The following DNAH11 variants were observed in gnomAD, a reference collection of about 807,000 sequenced individuals.
The protein encoded by DNAH11 is axonemal beta dynein heavy chain 11.
Under a neutral mutation model 526.0 loss-of-function variants are expected in DNAH11, and 442 were observed. The observed-to-expected ratio is 0.84, with a 90% confidence interval of 0.78 to 0.91. The LOEUF is 0.91. Among genes scored for constraint, DNAH11 ranks in the 40% least tolerant of loss-of-function variants. DNAH11 has a pLI of 0.00. For synonymous variants in DNAH11, 2,461 were observed against 1,935.9 expected (o/e 1.27, Z -7.12); for missense variants, 6,989 against 5,448.7 (o/e 1.28, Z -8.90).
intron 28 of DNAH11, among the ~76,000 whole-genome samples, chr7:21,643,001 C>A (rs569565318): frequency 6.6e-6 from 1 of 151,962 alleles, no homozygotes. Flanking sequence ...CCAAGGTTAT[C>A]GATTAACTAA....
chr7:21,661,851 C>T (rs1220630318), intron 30 of DNAH11, among the ~76,000 whole-genome samples: 2 of 152,000 alleles, frequency 1.3e-5, no homozygotes, highest in East Asian at 3.9e-4. Flanking sequence ...TGGAGTTTCG[C>T]TCCTGTCATC....
chr7:21,572,653 A>AG (rs1783939445), intron 8 of DNAH11, among the ~76,000 whole-genome samples: 1 of 152,174 alleles, frequency 6.6e-6, no homozygotes, highest in African/African-American at 2.4e-5. Context: ...ATGTAATGTG[A>AG]GTTTATTCAC....
chr7:21,565,084 T>C (rs564721949), intron 6 of DNAH11, among the ~76,000 whole-genome samples: 2 of 152,326 alleles, frequency 1.3e-5, no homozygotes, highest in African/African-American at 4.8e-5. Flanking sequence ...CTTCTCAGGC[T>C]GCCATAGCAA....
In DNAH11 at chr7:21,658,793, C is replaced by T. The variant is rs1468470380; in HGVS notation, c.5095-5C>T. On this transcript the variant is annotated splice_region_variant and splice_polypyrimidine_tract_variant and intron_variant, in intron 29 of 81. Coordinates refer to ENST00000409508, the MANE Select transcript of DNAH11 (RefSeq NM_001277115.2). Reference sequence around the variant, plus strand: ...GTGTTATAACATTTCAACTTGCTTCCAAAGGTGGAAACATGGCTTCTGCAA... The same window carrying T: ...GTGTTATAACATTTCAACTTGCTTCTAAAGGTGGAAACATGGCTTCTGCAA... 6.4e-7 allele frequency: 1 copy of T among 1,562,076 alleles called. No individual in the cohort carries two copies. Among genetic ancestry groups the T allele is most frequent in the Non-Finnish European group, 8.7e-7 (1 of 1,152,340 alleles).
rs1488994370 is a variant in DNAH11 at position 21,636,015 on chromosome 7, A to G, written c.4645A>G (p.Ile1549Val). The G allele has an allele frequency of 1.2e-6, 2 of 1,613,778 alleles. No individual in the cohort carries two copies. Among genetic ancestry groups the G allele is most frequent in the South Asian group, 1.1e-5 (1 of 90,996 alleles). The change falls in exon 26 of 82, where the codon ATT becomes GTT. Residue 1549 changes from isoleucine (I) to valine (V), a missense_variant. Transcript: ENST00000409508. ...GCGAACTTGGTCTCACCTGGAAAGC[A>G]TTTTTGTCTGTTCAGAAGATATTCG... Reference protein sequence around the residue: ...VQRTWSHLESIFVCSEDIRIQ... With the variant: ...VQRTWSHLESVFVCSEDIRIQ...
In DNAH11 at chr7:21,659,010, G is replaced by C. The variant is rs748820452; in HGVS notation, c.5307G>C (p.Leu1769=). 1 of 1,599,450 alleles carries C rather than the reference G, an allele frequency of 6.3e-7. No individual in the cohort carries two copies. Among genetic ancestry groups the C allele is most frequent in the South Asian group, 1.1e-5 (1 of 87,888 alleles). Residue 1769 remains leucine (L), a synonymous_variant, in exon 30 of 82, where the codon CTG becomes CTC. Transcript: ENST00000409508. ...SRLEEGYETA[L]KDFHKKQISQ... ...TGGAAGAAGGCTACGAAACAGCCCT[G>C]AAGGATTTCCATAAAAAACAGGTAT...
intron 2 of DNAH11, among the ~76,000 whole-genome samples, chr7:21,555,681 C>T (rs989132548): frequency 6.6e-6 from 1 of 152,188 alleles, no homozygotes; most frequent in Non-Finnish European, 1.5e-5. Context: ...TTGGCTTGTG[C>T]ATGACGTTGC....
Position 21,591,353 on chromosome 7 carries a change from A to T in DNAH11, c.2443A>T (p.Arg815Trp). Residue 815 changes from arginine to tryptophan, a missense_variant, in exon 14 of 82, where the codon AGG (arginine) becomes TGG (tryptophan). Arg to Trp is a moderately radical substitution (Grantham distance 101, BLOSUM62 -3). Transcript: ENST00000409508. ...GGATGACTGCTGGGGCTACATCGAG[A>T]GGGTGAGGGCAGCCACGTCCGAGTT... ...WQDDCWGYIE[R>W]VRAATSELEH... The T allele has an allele frequency of 6.2e-7, 1 of 1,613,682 alleles. No individual in the cohort carries two copies.
chr7:21,717,201 TAC>T (rs3061388), intron 42 of DNAH11, among the ~76,000 whole-genome samples: 91,483 of 150,040 alleles, frequency 0.61, 28,718 homozygotes, highest in East Asian at 0.85. Flanking sequence ...TGTTTCAGAT[TAC>T]ACACACACAC....
At chr7:21,561,229 C>G in intron 5 of DNAH11, 59 bp downstream of exon 5, 1 of 1,287,136 alleles carries the variant, frequency 7.8e-7, no homozygotes, top group Non-Finnish European at 1.1e-6. Context: ...GATCCAGCCC[C>G]TGCCTGCTCG....
At chr7:21,631,228 G>A (rs2140584) in intron 25 of DNAH11, among the ~76,000 whole-genome samples, 115,211 of 152,116 alleles carry the variant, frequency 0.76, 44,326 homozygotes, top group African/African-American at 0.88. Context: ...CCGTGATTCA[G>A]TTACCTCCCA....
chr7:21,781,380 T>TA (rs912992469), intron 57 of DNAH11, among the ~76,000 whole-genome samples: 2 of 152,222 alleles, frequency 1.3e-5, no homozygotes, highest in African/African-American at 2.4e-5. Flanking sequence ...TTTGAACCAC[T>TA]GGGCATTGCC....
chr7:21,816,826 T>C, intron 64 of DNAH11, 124 bp downstream of exon 64: 1 of 759,676 alleles, frequency 1.3e-6, no homozygotes, highest in Non-Finnish European at 2.1e-6. Flanking sequence ...TGGTGCTATT[T>C]GTTTATCTGC....
rs1229468655 is a variant in DNAH11, at chr7:21,631,664, G to A, written c.4501-4207G>A. Among the ~76,000 whole-genome samples the A allele has an allele frequency of 3.9e-5, 6 of 152,302 alleles. No individual in the cohort carries two copies. The East Asian group carries it at 1.2e-3, about 29-fold the overall frequency. ...TCTTTGACTCCATGTTTCACATCCA[G>A]GTCACGCTGATGCAAGAGGTGGGTT... On this transcript the variant is annotated intron_variant, in intron 25 of 81. Transcript: ENST00000409508.
rs565455366 is a variant in DNAH11 at position 21,816,278 on chromosome 7, A to C, written c.10333-189A>C. On this transcript the variant is annotated intron_variant, in intron 63 of 81. Transcript: ENST00000409508. ...ATCCCACAGTTCACAGAATTCTGAG[A>C]TGTAAATACTGGATTTATCAAGTCA... Among the ~76,000 whole-genome samples the C allele has an allele frequency of 8.5e-5, 13 of 152,292 alleles. No homozygotes were observed. In the East Asian group the frequency reaches 2.3e-3, roughly 27 times the overall value.
At chr7:21,595,424 G>A (rs542311362) in intron 14 of DNAH11, among the ~76,000 whole-genome samples, 1 of 152,344 alleles carries the variant, frequency 6.6e-6, no homozygotes, top group South Asian at 2.1e-4. Context: ...TGGTAGCAGT[G>A]AAAGTGATTA....
chr7:21,872,696 C>G (rs761085391), intron 73 of DNAH11, among the ~76,000 whole-genome samples: 5 of 152,154 alleles, frequency 3.3e-5, no homozygotes, highest in African/African-American at 7.2e-5. Context: ...TTCAACAGAC[C>G]TAGGATTTAA....
chr7:21,893,382 A>G (rs550764829), intron 77 of DNAH11, among the ~76,000 whole-genome samples: 8 of 152,268 alleles, frequency 5.3e-5, no homozygotes, highest in African/African-American at 1.7e-4. Context: ...TAATTTTGCA[A>G]TCCTCAATTG....
rs531402789 is a variant in DNAH11 at position 21,862,155 on chromosome 7, G to A, written c.11373+132G>A. On this transcript the variant is annotated intron_variant, in intron 69 of 81. Transcript: ENST00000409508. ...TTTTTTTGGAAGCCCTTGGTGGCAT[G>A]AGGGGAATTTGCTTCCCACAGGGAA... 759 of 940,860 alleles carry A rather than the reference G, an allele frequency of 8.1e-4. 15 individuals carry two copies. The South Asian group carries it at 0.014, about 18-fold the overall frequency. The allele number at this position is 940,860 out of a possible 1,614,324, so 58.3% of individuals were successfully genotyped here.
Sources: gnomAD v4.1 joint callset for allele counts (sites outside exome capture counted in the v4.1 genomes callset) on GRCh38, gnomAD v4.1.1 for gene constraint, MANE v1.5 for transcripts, NCBI Gene and HGNC (gene_info 2026-07-23, HGNC 2026-07-21) for gene names.